Variants in DYM observed in about 807,000 individuals in gnomAD.
DYM encodes the protein dymeclin.
A neutral mutation model predicts 93.1 loss-of-function variants in DYM; 78 were observed. The ratio of observed to expected loss-of-function variants is 0.84; its 90% CI spans 0.70 to 1.01. The LOEUF (loss-of-function observed/expected upper bound fraction) is 1.01. Among genes scored for constraint, DYM ranks in the 50% least tolerant of loss-of-function variants. DYM has a pLI of 0.00. For missense variants in DYM, 789 were observed against 845.0 expected (o/e 0.93, Z 0.82); for synonymous variants, 321 against 319.7 (o/e 1.00, Z -0.04).
chr18:49,351,470 A>G (rs1465623606), intron 6 of DYM, among the ~76,000 whole-genome samples: 3 of 152,116 alleles, frequency 2.0e-5, no homozygotes, highest in Non-Finnish European at 4.4e-5. Flanking sequence ...AAGAACAAAT[A>G]TTTACTGACT....
chr18:49,404,470 T>C (rs1445714087), intron 2 of DYM, among the ~76,000 whole-genome samples: 5 of 152,184 alleles, frequency 3.3e-5, no homozygotes, highest in Admixed American at 2.6e-4. Context: ...GGTAATCCTG[T>C]TTTAAGTTCT....
chr18:49,421,108 G>C (rs928052601), intron 2 of DYM, among the ~76,000 whole-genome samples: 1 of 152,190 alleles, frequency 6.6e-6, no homozygotes, highest in African/African-American at 2.4e-5. Flanking sequence ...AGAAAGTTCT[G>C]CAGACTTAAA....
intron 13 of DYM, among the ~76,000 whole-genome samples, chr18:49,253,276 G>T (rs1326784575): frequency 6.6e-6 from 1 of 152,166 alleles, no homozygotes; most frequent in Non-Finnish European, 1.5e-5. Flanking sequence ...GTGGTTACTA[G>T]AGCATCTGGT....
At chr18:49,452,476 T>C (rs1282256834) in intron 1 of DYM, among the ~76,000 whole-genome samples, 2 of 152,058 alleles carry the variant, frequency 1.3e-5, no homozygotes, top group Admixed American at 6.5e-5. Context: ...AGGGTGCTGA[T>C]TGGTGCGTTT....
At chr18:49,168,556 G>T (rs981156458) in intron 14 of DYM, among the ~76,000 whole-genome samples, 2 of 152,138 alleles carry the variant, frequency 1.3e-5, no homozygotes, top group Non-Finnish European at 1.5e-5. Context: ...AATGAAGACA[G>T]TTTGAAGCCA....
intron 10 of DYM, among the ~76,000 whole-genome samples, chr18:49,277,720 G>A (rs980409558): frequency 5.3e-5 from 8 of 152,200 alleles, no homozygotes; most frequent in African/African-American, 1.9e-4. Flanking sequence ...CAAGGGGGCT[G>A]ACATCTCTAT....
chr18:49,256,985 T>C (rs1289392505), intron 13 of DYM, 25 bp downstream of exon 13: 1 of 1,577,138 alleles, frequency 6.3e-7, no homozygotes. Context: ...GGCAAATCAG[T>C]ATTTCTTTTA....
intron 14 of DYM, among the ~76,000 whole-genome samples, chr18:49,190,612 G>A (rs2090872494): frequency 6.6e-6 from 1 of 152,166 alleles, no homozygotes. Context: ...GTATCAACAT[G>A]AGATACAAGA....
At chr18:49,194,656 G>A (rs974160867) in intron 14 of DYM, among the ~76,000 whole-genome samples, 1 of 151,798 alleles carries the variant, frequency 6.6e-6, no homozygotes, top group Non-Finnish European at 1.5e-5. Context: ...CACTGTGGCA[G>A]GCTAGTAATC....
Position 49,232,914 on chromosome 18 carries a change from C to T in DYM, c.1461-23199G>A, listed in dbSNP as rs117823116. Among the ~76,000 whole-genome samples, 476 of 152,028 alleles carry T rather than the reference C, an allele frequency of 3.1e-3. 4 individuals are homozygous for T. The highest frequency in any genetic ancestry group is 0.011 in the African/African-American group (441 of 41,486). On this transcript the variant is annotated intron_variant, in intron 13 of 17. Transcript: ENST00000675505. ...AGTGACCACCATGCCCAGCCTGAAA[C>T]GGAATTTCTTATACTTAAAGTGTAC...
At chr18:49,142,483 G>C (rs2084630637) in intron 15 of DYM, among the ~76,000 whole-genome samples, 1 of 152,114 alleles carries the variant, frequency 6.6e-6, no homozygotes, top group African/African-American at 2.4e-5. Context: ...TGAAGGGTTT[G>C]CTTTCATTCT....
chr18:49,295,065 T>C (rs1599209292), intron 8 of DYM, among the ~76,000 whole-genome samples: 1 of 150,442 alleles, frequency 6.6e-6, no homozygotes, highest in East Asian at 2.1e-4. Context: ...ACTCTTCCTT[T>C]GGGGAAAGTA....
chr18:49,446,228 C>T (rs1355066505), intron 1 of DYM, among the ~76,000 whole-genome samples: 1 of 151,944 alleles, frequency 6.6e-6, no homozygotes, highest in Non-Finnish European at 1.5e-5. Flanking sequence ...TCAAGAACGG[C>T]CTGGGCAACA....
At chr18:49,178,133 A>G (rs2089577521) in intron 14 of DYM, among the ~76,000 whole-genome samples, 1 of 152,164 alleles carries the variant, frequency 6.6e-6, no homozygotes, top group Admixed American at 6.5e-5. Flanking sequence ...TTAACTCCTT[A>G]GGCCTTAAAT....
At chr18:49,059,600 G>A (rs1050870102) in intron 17 of DYM, among the ~76,000 whole-genome samples, 4 of 152,142 alleles carry the variant, frequency 2.6e-5, no homozygotes, top group African/African-American at 9.7e-5. Flanking sequence ...CCGGAAGTCA[G>A]GCCTGTAGCA....
chr18:49,298,954 C>T (rs578180304), intron 8 of DYM, among the ~76,000 whole-genome samples: 1 of 152,208 alleles, frequency 6.6e-6, no homozygotes, highest in East Asian at 1.9e-4. Flanking sequence ...TCCTATCTCA[C>T]CCACATATGC....
At chr18:49,423,625 A>G (rs1422774942) in intron 2 of DYM, among the ~76,000 whole-genome samples, 1 of 152,212 alleles carries the variant, frequency 6.6e-6, no homozygotes, top group Non-Finnish European at 1.5e-5. Context: ...TTTTGAAAAG[A>G]TCAACAAAAT....
intron 8 of DYM, among the ~76,000 whole-genome samples, chr18:49,301,344 C>G (rs1356049021): frequency 6.6e-6 from 1 of 151,922 alleles, no homozygotes; most frequent in East Asian, 1.9e-4. Context: ...CATGGTGAAA[C>G]CCCGTCTCTA....
intron 2 of DYM, among the ~76,000 whole-genome samples, chr18:49,398,970 G>A (rs778371228): frequency 1.1e-4 from 16 of 152,148 alleles, no homozygotes; most frequent in Non-Finnish European, 2.4e-4. Flanking sequence ...TCAGTCAATG[G>A]CACTCTCTTT....
Sources: allele counts gnomAD v4.1 joint callset (sites outside exome capture counted in the v4.1 genomes callset), GRCh38; gene constraint gnomAD v4.1.1; transcripts MANE v1.5; gene names NCBI Gene and HGNC (gene_info 2026-07-23, HGNC 2026-07-21).